Variants in RCBTB2 observed in about 807,000 individuals in gnomAD.
RCBTB2 encodes the protein RCC1 and BTB domain containing protein 2, also known as RCC1 and BTB domain-containing protein 2.
A neutral mutation model predicts 65.4 loss-of-function variants in RCBTB2; 55 were observed. The ratio of observed to expected loss-of-function variants is 0.84; its 90% CI spans 0.68 to 1.05. RCBTB2 has a LOEUF of 1.05. Ranked by LOEUF, RCBTB2 falls within the 50% of genes least tolerant of loss-of-function variation. The probability of loss-of-function intolerance (pLI) is 0.00; values close to 1 mark genes in which losing one functional copy is unlikely to be tolerated. For synonymous variants in RCBTB2, 220 were observed against 255.2 expected (o/e 0.86, Z 1.31); for missense variants, 599 against 680.1 (o/e 0.88, Z 1.33).
chr13:48,518,472 A>AATATATATATATATATATATATAT, intron 4 of RCBTB2, among the ~76,000 whole-genome samples: 1 of 116,590 alleles, frequency 8.6e-6, no homozygotes, highest in Admixed American at 8.5e-5. Context: ...AAAAAAAAAA[A>AATATATATATATATATATATATAT]ATATATATAT....
At chr13:48,529,132 A>T (rs1009361345) in intron 1 of RCBTB2, among the ~76,000 whole-genome samples, 3 of 152,348 alleles carry the variant, frequency 2.0e-5, no homozygotes, top group African/African-American at 7.2e-5. Flanking sequence ...ATGAAAAATA[A>T]CCAACATAAA....
At chr13:48,499,320 A>G (rs1329185402) in intron 13 of RCBTB2, among the ~76,000 whole-genome samples, 1 of 152,150 alleles carries the variant, frequency 6.6e-6, no homozygotes, top group Non-Finnish European at 1.5e-5. Context: ...AATAAGTGGA[A>G]TTCCTGGGCC....
At chr13:48,498,764 G>T (rs903633841) in intron 13 of RCBTB2, among the ~76,000 whole-genome samples, 2 of 151,780 alleles carry the variant, frequency 1.3e-5, no homozygotes, top group African/African-American at 4.8e-5. Context: ...GGTATCTAAT[G>T]GGAAGCTCAA....
At chr13:48,520,695 T>C (rs749885879) in intron 4 of RCBTB2, among the ~76,000 whole-genome samples, 5 of 152,220 alleles carry the variant, frequency 3.3e-5, no homozygotes, top group Non-Finnish European at 5.9e-5. Flanking sequence ...GTGATACCTG[T>C]ATAACTATGC....
chr13:48,510,539 T>G (rs1950724137), intron 10 of RCBTB2, 90 bp downstream of exon 10: 1 of 1,394,512 alleles, frequency 7.2e-7, no homozygotes, highest in Admixed American at 1.9e-5. Context: ...ACACTAGCAG[T>G]ACATTCCCCA....
chr13:48,518,472 A>AAT (rs779789935), intron 4 of RCBTB2, among the ~76,000 whole-genome samples: 1,985 of 116,460 alleles, frequency 0.017, 25 homozygotes, highest in East Asian at 0.037. Context: ...AAAAAAAAAA[A>AAT]ATATATATAT....
chr13:48,527,295 T>C (rs1247127715), intron 1 of RCBTB2, among the ~76,000 whole-genome samples: 3 of 105,134 alleles, frequency 2.9e-5, no homozygotes, highest in Non-Finnish European at 6.2e-5. Context: ...CCTTATATGT[T>C]TGTTTTGGGA....
chr13:48,515,085 T>A, intron 6 of RCBTB2, 120 bp downstream of exon 6: 1 of 913,670 alleles, frequency 1.1e-6, no homozygotes, highest in Non-Finnish European at 1.7e-6. Flanking sequence ...ATTCATGTTT[T>A]ATGGTATCCA....
intron 14 of RCBTB2, among the ~76,000 whole-genome samples, chr13:48,495,963 T>C (rs1456867453): frequency 6.8e-6 from 1 of 147,650 alleles, no homozygotes; most frequent in Admixed American, 6.6e-5. Context: ...AAAAGTTTCT[T>C]ATCTTTTTAA....
At chr13:48,522,282 G>A (rs919708989) in intron 3 of RCBTB2, 26 bp downstream of exon 3, 26 of 1,411,798 alleles carry the variant, frequency 1.8e-5, no homozygotes, top group Non-Finnish European at 2.1e-5. Flanking sequence ...TTGACTTCCT[G>A]TGATAAGGAA....
chr13:48,535,817 C>A, upstream of RCBTB2: 4 of 454,568 alleles, frequency 8.8e-6, no homozygotes, highest in Non-Finnish European at 1.8e-5. Context: ...GCTCATCCAC[C>A]ACTTCTCCAG....
chr13:48,524,635 C>A (rs931205655), intron 2 of RCBTB2, 24 bp downstream of exon 2: 1 of 152,186 alleles, frequency 6.6e-6, no homozygotes, highest in African/African-American at 2.4e-5. Flanking sequence ...TGGCTGGGAG[C>A]ATTCCCTCCA....
intron 14 of RCBTB2, 21 bp downstream of exon 14, chr13:48,496,169 GC>G: frequency 7.0e-7 from 1 of 1,431,252 alleles, no homozygotes; most frequent in Non-Finnish European, 9.2e-7. Context: ...GAGGCCGGCA[GC>G]TGGAAGCAAG....
chr13:48,521,276 A>G (rs541977944), intron 4 of RCBTB2, among the ~76,000 whole-genome samples: 5 of 152,228 alleles, frequency 3.3e-5, no homozygotes, highest in Non-Finnish European at 5.9e-5. Flanking sequence ...GGCTTTGCAT[A>G]ATTATTTACA....
At chr13:48,535,487 C>T (rs959472696), upstream of RCBTB2, among the ~76,000 whole-genome samples, 2 of 152,136 alleles carry the variant, frequency 1.3e-5, no homozygotes, top group Non-Finnish European at 2.9e-5. Flanking sequence ...AGCTCCTGAC[C>T]TCAGGTGATC....
chr13:48,517,178 T>TA (rs1951138364), intron 4 of RCBTB2, among the ~76,000 whole-genome samples: 1 of 152,188 alleles, frequency 6.6e-6, no homozygotes, highest in Admixed American at 6.5e-5. Context: ...TACCATGAAT[T>TA]TCTCTGGGGC....
At chr13:48,491,814 G>C (rs370408375) in intron 14 of RCBTB2, 4 of 152,160 alleles carry the variant, frequency 2.6e-5, no homozygotes, top group Non-Finnish European at 5.9e-5. Flanking sequence ...TCTAGAGTGG[G>C]ATCTTCCCCT....
intron 10 of RCBTB2, among the ~76,000 whole-genome samples, chr13:48,503,478 G>A (rs1391391913): frequency 2.0e-5 from 3 of 152,072 alleles, no homozygotes; most frequent in Admixed American, 1.3e-4. Context: ...CAGTTTCCTA[G>A]GATCACTATG....
intron 13 of RCBTB2, 148 bp downstream of exon 13, chr13:48,499,473 T>G: frequency 2.6e-6 from 2 of 775,988 alleles, no homozygotes; most frequent in Non-Finnish European, 4.1e-6. Flanking sequence ...AATAAAGTAG[T>G]AACAAGGGAA....
Sources: gnomAD v4.1 joint callset for allele counts (sites outside exome capture counted in the v4.1 genomes callset) on GRCh38, gnomAD v4.1.1 for gene constraint, MANE v1.5 for transcripts, NCBI Gene and HGNC (gene_info 2026-07-23, HGNC 2026-07-21) for gene names.